AFAP1: variants seen among roughly 807,000 people sequenced by gnomAD.
AFAP1 encodes actin filament-associated protein 1.
In AFAP1, 75 loss-of-function variants were observed where a neutral mutation model predicts 93.9. That is an observed-to-expected ratio of 0.80 (90% CI 0.66 to 0.97). The LOEUF is 0.97. Ranked by LOEUF, AFAP1 falls within the 50% of genes least tolerant of loss-of-function variation. The probability of loss-of-function intolerance (pLI) is 0.00; values close to 1 mark genes in which losing one functional copy is unlikely to be tolerated. For synonymous variants in AFAP1, 517 were observed against 430.7 expected, an observed-to-expected ratio of 1.20 and a Z score of -2.48; for missense variants, 1,201 against 1,050.8, an observed-to-expected ratio of 1.14 and a Z score of -1.98.
chr4:7,938,829 G>A (rs992557729), intron 1 of AFAP1, among the ~76,000 whole-genome samples: 2 of 152,116 alleles, frequency 1.3e-5, no homozygotes, highest in African/African-American at 4.8e-5. Context: ...CGGGGCCAGA[G>A]CAGGAAGCGC....
At chr4:7,930,783 C>T (rs139072674) in intron 1 of AFAP1, among the ~76,000 whole-genome samples, 3,759 of 152,260 alleles carry the variant, frequency 0.025, 147 homozygotes, top group African/African-American at 0.084. Context: ...CAGAGTCTAC[C>T]TCTGTTGCCC....
chr4:7,807,508 G>T (rs60840998), intron 9 of AFAP1, among the ~76,000 whole-genome samples: 34,969 of 152,104 alleles, frequency 0.23, 5,526 homozygotes, highest in African/African-American at 0.45. Flanking sequence ...GGAAGGGAGG[G>T]TAGTGGAAAA....
chr4:7,833,438 A>C (rs1711872628), intron 6 of AFAP1, among the ~76,000 whole-genome samples: 1 of 152,168 alleles, frequency 6.6e-6, no homozygotes, highest in Non-Finnish European at 1.5e-5. Context: ...GCAAATCAAA[A>C]CCACAATGTG....
chr4:7,866,396 A>G (rs747755842), intron 3 of AFAP1, among the ~76,000 whole-genome samples: 78 of 151,844 alleles, frequency 5.1e-4, no homozygotes, highest in Non-Finnish European at 1.0e-3. Context: ...GGGTTTCGCT[A>G]TGTTGCCCAG....
chr4:7,788,734 T>C (rs1717548038), intron 11 of AFAP1: 1 of 152,224 alleles, frequency 6.6e-6, no homozygotes. Flanking sequence ...CTATGTATAC[T>C]TTCTGTCAGC....
At chr4:7,780,046 T>C (rs1577196960) in intron 13 of AFAP1, among the ~76,000 whole-genome samples, 1 of 152,364 alleles carries the variant, frequency 6.6e-6, no homozygotes, top group East Asian at 1.9e-4. Context: ...GATGGCAAAC[T>C]GTGTGGCAGG....
At chr4:7,820,933 A>G (rs1720919959) in intron 6 of AFAP1, among the ~76,000 whole-genome samples, 1 of 152,172 alleles carries the variant, frequency 6.6e-6, no homozygotes, top group Non-Finnish European at 1.5e-5. Context: ...AGCCTGACCA[A>G]CATGGAGAAG....
At chr4:7,777,314 A>G (rs1456727927) in intron 14 of AFAP1, 1 of 152,244 alleles carries the variant, frequency 6.6e-6, no homozygotes, top group African/African-American at 2.4e-5. Flanking sequence ...ATTTGGCCCA[A>G]CTGGCTCCAA....
At chr4:7,886,354 C>T (rs1217193567) in intron 1 of AFAP1, among the ~76,000 whole-genome samples, 1 of 152,208 alleles carries the variant, frequency 6.6e-6, no homozygotes, top group Admixed American at 6.5e-5. Context: ...AAAGGGAAAG[C>T]AAATCAAATC....
rs148947503 is a variant in AFAP1, at chr4:7,879,983, C to G, written c.-2-7903G>C. ...CCCAGCCTTTCTGCTTTCTTTCACT[C>G]AAGTGGTATATCCCACAGCCCTAAA... On this transcript the variant is annotated intron_variant, in intron 1 of 17. Transcript: ENST00000420658. Among the ~76,000 whole-genome samples the G allele has an allele frequency of 2.3e-3, 343 of 152,044 alleles. 3 individuals carry two copies. Among genetic ancestry groups the G allele is most frequent in the Non-Finnish European group, 2.4e-3 (166 of 67,958 alleles).
chr4:7,867,077 G>GGAGGGGAGGA lies in AFAP1; in HGVS notation c.225+1535_225+1544dup, dbSNP rs1339839421. Among the ~76,000 whole-genome samples, 179 of 110,324 alleles carry GGAGGGGAGGA rather than the reference G, an allele frequency of 1.6e-3. 3 individuals are homozygous for GGAGGGGAGGA. Among genetic ancestry groups the GGAGGGGAGGA allele is most frequent in the African/African-American group, 5.1e-3 (146 of 28,646 alleles). The allele number at this position is 110,324 out of a possible 152,430, so 72.4% of individuals were successfully genotyped here. A position where few individuals can be genotyped will look rare whatever the true frequency, so the allele number is the denominator to read the frequency against. On this transcript the variant is annotated intron_variant, in intron 3 of 17. Coordinates refer to ENST00000420658, the MANE Select transcript of AFAP1 (RefSeq NM_001134647.2). ...ATGAAAGAGGGGAGGGGAGGAGAAGGGAGGGGAGGAGAGGGGAGGAGAGGG... is the reference window on the plus strand; with the variant it reads ...ATGAAAGAGGGGAGGGGAGGAGAAGGGAGGGGAGGAGAGGGGAGGAGAGGGGAGGAGAGGG...
chr4:7,849,868 A>G (rs1183811059), intron 4 of AFAP1, among the ~76,000 whole-genome samples: 1 of 152,118 alleles, frequency 6.6e-6, no homozygotes, highest in East Asian at 1.9e-4. Context: ...CAAGAGGGTC[A>G]CAAAGTTTTG....
chr4:7,900,306 C>T (rs1197453152), intron 1 of AFAP1, among the ~76,000 whole-genome samples: 2 of 107,576 alleles, frequency 1.9e-5, no homozygotes, highest in South Asian at 2.9e-4. Context: ...TCTTTGCTCA[C>T]ATTTAGCCAA....
intron 4 of AFAP1, among the ~76,000 whole-genome samples, chr4:7,845,887 G>A (rs1485433113): frequency 2.0e-5 from 3 of 152,294 alleles, no homozygotes; most frequent in East Asian, 1.9e-4. Flanking sequence ...CAGGGGTGGG[G>A]GGGGCAAGAT....
At chr4:7,775,261 G>A in intron 14 of AFAP1, 1 of 175,268 alleles carries the variant, frequency 5.7e-6, no homozygotes, top group South Asian at 1.7e-4. Context: ...GGACAGGGCT[G>A]GTATGAACCA....
At chr4:7,916,813 CCT>C (rs1577357392) in intron 1 of AFAP1, among the ~76,000 whole-genome samples, 2 of 152,296 alleles carry the variant, frequency 1.3e-5, no homozygotes, top group South Asian at 4.1e-4. Context: ...CTCTTCATGC[CCT>C]CTCTCCCTGG....
intron 6 of AFAP1, among the ~76,000 whole-genome samples, chr4:7,820,568 A>G (rs1720885155): frequency 6.6e-6 from 1 of 152,170 alleles, no homozygotes; most frequent in South Asian, 2.1e-4. Flanking sequence ...ACAGTCTCCA[A>G]GGAGAGGGAG....
At chr4:7,829,867 G>C (rs963142692) in intron 6 of AFAP1, among the ~76,000 whole-genome samples, 4 of 152,208 alleles carry the variant, frequency 2.6e-5, no homozygotes, top group African/African-American at 9.7e-5. Context: ...TACTCTTTCT[G>C]AGAATTTAGG....
At chr4:7,808,440 C>T (rs1406574857) in intron 9 of AFAP1, among the ~76,000 whole-genome samples, 1 of 152,128 alleles carries the variant, frequency 6.6e-6, no homozygotes, top group African/African-American at 2.4e-5. Flanking sequence ...TTGTACTTAT[C>T]TTTTGCTACC....
Sources: allele counts gnomAD v4.1 joint callset (sites outside exome capture counted in the v4.1 genomes callset), GRCh38; gene constraint gnomAD v4.1.1; transcripts MANE v1.5; gene names NCBI Gene and HGNC (gene_info 2026-07-23, HGNC 2026-07-21).